Variants in PLEKHG1 observed in about 807,000 individuals in gnomAD.
PLEKHG1 encodes the protein pleckstrin homology domain-containing family G member 1.
In PLEKHG1, 44 loss-of-function variants were observed where a neutral mutation model predicts 100.8. That is an observed-to-expected ratio of 0.44 (90% CI 0.34 to 0.56). PLEKHG1 has a LOEUF of 0.56. PLEKHG1 is among the 20% of genes least tolerant of loss of function. PLEKHG1 has a pLI of 0.01. For missense variants in PLEKHG1, 1,545 were observed against 1,720.9 expected, an observed-to-expected ratio of 0.90 and a Z score of 1.81; for synonymous variants, 640 against 662.5, an observed-to-expected ratio of 0.97 and a Z score of 0.52.
chr6:150,604,613 CTCTA>C (rs1206862387), intron 1 of PLEKHG1, among the ~76,000 whole-genome samples: 1 of 152,202 alleles, frequency 6.6e-6, no homozygotes, highest in Non-Finnish European at 1.5e-5. Flanking sequence ...GTTTCATTGG[CTCTA>C]TCTATGTTGA....
At chr6:150,640,826 G>A (rs918344974) in intron 2 of PLEKHG1, among the ~76,000 whole-genome samples, 1 of 152,172 alleles carries the variant, frequency 6.6e-6, no homozygotes, top group African/African-American at 2.4e-5. Flanking sequence ...CATCGGGCAT[G>A]CTGTGGTACA....
rs1780007126 is a variant in PLEKHG1 at position 150,683,613 on chromosome 6, G to A, written c.-99+32827G>A. ...CACGGTCATCACTTAGCTTCCTGTT[G>A]GGGAAAACCTTGGACACTGTGCATC... On this transcript the variant is annotated intron_variant, in intron 3 of 3. Transcript: ENST00000367326. The surrounding 1 kb of genome is among the most constrained non-coding windows in gnomAD (Gnocchi z 4.0). 1 of 337,106 alleles carries A rather than the reference G, an allele frequency of 3.0e-6. No homozygotes were observed. 20.9% of individuals were successfully genotyped at this position (337,106 alleles called of 1,614,324 possible). A position where few individuals can be genotyped will look rare whatever the true frequency, so the allele number is the denominator to read the frequency against.
intron 10 of PLEKHG1, 62 bp from the exon 12 acceptor site, chr6:150,818,121 A>G: frequency 8.3e-7 from 1 of 1,206,368 alleles, no homozygotes; most frequent in Non-Finnish European, 1.2e-6. Context: ...ATCTGTGTTG[A>G]GATTTGGAGT....
intron 1 of PLEKHG1, among the ~76,000 whole-genome samples, chr6:150,637,069 T>C (rs1479489253): frequency 6.6e-6 from 1 of 152,242 alleles, no homozygotes; most frequent in Non-Finnish European, 1.5e-5. Context: ...ACCCTACTCA[T>C]GACCTCCCAA....
chr6:150,827,696 G>A, intron 14 of PLEKHG1: 3 of 1,079,846 alleles, frequency 2.8e-6, no homozygotes, highest in Non-Finnish European at 4.3e-6. Context: ...TGAGTGGAAT[G>A]ACATCTTACG....
At chr6:150,841,120 T>C (rs1777513791) in exon 16 of PLEKHG1, 2 of 664,160 alleles carry the variant, frequency 3.0e-6, no homozygotes, top group Admixed American at 2.2e-5. Context: ...TCATGCTGAG[T>C]GTCTTCATGT....
At chr6:150,754,184 A>G (rs940561131) in intron 2 of PLEKHG1, among the ~76,000 whole-genome samples, 5 of 152,188 alleles carry the variant, frequency 3.3e-5, no homozygotes, top group African/African-American at 9.7e-5. Context: ...CCAGGTGGTG[A>G]TGAGCAGGAC....
chr6:150,651,657 G>C (rs1017535643), intron 3 of PLEKHG1, among the ~76,000 whole-genome samples: 3 of 150,746 alleles, frequency 2.0e-5, no homozygotes, highest in Non-Finnish European at 4.4e-5. Context: ...TGAGGAGTTC[G>C]AGACCAGCCT....
At chr6:150,786,800 T>C (rs1785650326) in intron 4 of PLEKHG1, among the ~76,000 whole-genome samples, 1 of 151,482 alleles carries the variant, frequency 6.6e-6, no homozygotes, top group Non-Finnish European at 1.5e-5. Context: ...GAAGCCGAGG[T>C]GAGTGGATCA....
chr6:150,618,813 G>A (rs1777174257), intron 1 of PLEKHG1, among the ~76,000 whole-genome samples: 2 of 152,204 alleles, frequency 1.3e-5, no homozygotes, highest in African/African-American at 4.8e-5. Flanking sequence ...AAACAGGCTG[G>A]ATGCTCAAAA....
At chr6:150,727,476 G>A (rs1782017650) in intron 1 of PLEKHG1, among the ~76,000 whole-genome samples, 2 of 152,010 alleles carry the variant, frequency 1.3e-5, no homozygotes, top group Non-Finnish European at 1.5e-5. Context: ...GAGCAAAGAA[G>A]GAAAAGCCAT....
At chr6:150,702,152 C>G (rs1780814599) in intron 3 of PLEKHG1, among the ~76,000 whole-genome samples, 1 of 152,196 alleles carries the variant, frequency 6.6e-6, no homozygotes, top group African/African-American at 2.4e-5. Flanking sequence ...TTCAGAAATA[C>G]AACTGGACAA....
chr6:150,638,069 A>T (rs1347320395), intron 1 of PLEKHG1: 2 of 152,166 alleles, frequency 1.3e-5, no homozygotes, highest in African/African-American at 4.8e-5. Context: ...CATTCTTGTT[A>T]TTCTTTCCAG....
intron 1 of PLEKHG1, among the ~76,000 whole-genome samples, chr6:150,726,923 CTT>C (rs905556113): frequency 2.0e-5 from 3 of 152,140 alleles, no homozygotes; most frequent in African/African-American, 7.2e-5. Context: ...AACTTGGACT[CTT>C]AAACATTTTT....
exon 16 of PLEKHG1, chr6:150,840,274 A>C: frequency 6.2e-7 from 1 of 1,614,188 alleles, no homozygotes; most frequent in South Asian, 1.1e-5. Flanking sequence ...CAGCCTTATC[A>C]CAGGTCCCAG....
intron 3 of PLEKHG1, among the ~76,000 whole-genome samples, chr6:150,785,459 T>G (rs1785570046): frequency 6.6e-6 from 1 of 152,198 alleles, no homozygotes; most frequent in Non-Finnish European, 1.5e-5. Flanking sequence ...TATCCAACAG[T>G]GTGAGATTCA....
At chr6:150,693,360 G>A (rs1001329302) in intron 3 of PLEKHG1, among the ~76,000 whole-genome samples, 8 of 152,124 alleles carry the variant, frequency 5.3e-5, no homozygotes, top group African/African-American at 1.4e-4. Context: ...CCTGGAAGTC[G>A]CTTCTCAACT....
chr6:150,599,897 G>A (rs1224233043), exon 1 of PLEKHG1: 6 of 186,064 alleles, frequency 3.2e-5, no homozygotes, highest in South Asian at 2.5e-4. Context: ...GCCTGAGCCC[G>A]AGCCCGAGCC....
intron 2 of PLEKHG1, among the ~76,000 whole-genome samples, chr6:150,748,775 A>T (rs965356092): frequency 2.6e-5 from 4 of 151,250 alleles, no homozygotes; most frequent in Non-Finnish European, 2.9e-5. Context: ...ACGCACCCCC[A>T]CCATGCCCGG....
Sources: gnomAD v4.1 joint callset for allele counts (sites outside exome capture counted in the v4.1 genomes callset) on GRCh38, gnomAD v4.1.1 for gene constraint, Gnocchi (gnomAD v3.1) non-coding constraint, MANE v1.5 for transcripts, NCBI Gene and HGNC (gene_info 2026-07-23, HGNC 2026-07-21) for gene names.